The following PSD3 variants were observed in gnomAD, a reference collection of about 807,000 sequenced individuals.
PSD3 encodes the protein pleckstrin and Sec7 domain containing 3, also known as PH and SEC7 domain-containing protein 3.
Under a neutral mutation model 105.5 loss-of-function variants are expected in PSD3, and 49 were observed. The observed-to-expected ratio is 0.46, with a 90% CI of 0.37 to 0.59. The LOEUF (loss-of-function observed/expected upper bound fraction) is 0.59. Among genes scored for constraint, PSD3 ranks in the 20% least tolerant of loss-of-function variants. The pLI is 0.00. For synonymous variants in PSD3, 557 were observed against 457.8 expected (o/e 1.22, Z -2.77); for missense variants, 1,561 against 1,263.8 (o/e 1.24, Z -3.57).
chr8:18,893,620 G>T (rs899230511), intron 2 of PSD3, among the ~76,000 whole-genome samples: 2 of 151,896 alleles, frequency 1.3e-5, no homozygotes, highest in African/African-American at 4.8e-5. Flanking sequence ...TGGGCTAGAG[G>T]GCAGGGAAGC....
intron 1 of PSD3, among the ~76,000 whole-genome samples, chr8:19,077,036 T>C (rs561173950): frequency 6.6e-6 from 1 of 152,314 alleles, no homozygotes; most frequent in South Asian, 2.1e-4. Flanking sequence ...CACCATTGTT[T>C]TTATTTATTA....
intron 9 of PSD3, among the ~76,000 whole-genome samples, chr8:18,700,326 T>C (rs1481018959): frequency 6.6e-6 from 1 of 152,198 alleles, no homozygotes; most frequent in African/African-American, 2.4e-5. Context: ...AAAATAAGAA[T>C]ATTTTACAGA....
chr8:18,619,046 CAA>C (rs1805914329), intron 11 of PSD3, among the ~76,000 whole-genome samples: 3 of 152,142 alleles, frequency 2.0e-5, no homozygotes, highest in East Asian at 3.9e-4. Context: ...TGCTTGAGCT[CAA>C]AGTGTTTTTT....
chr8:18,650,053 G>A (rs1808362628), intron 10 of PSD3, among the ~76,000 whole-genome samples: 2 of 152,128 alleles, frequency 1.3e-5, no homozygotes, highest in African/African-American at 2.4e-5. Context: ...ACTAAAACAG[G>A]GAGATTTCTT....
At chr8:19,014,736 C>G (rs527258507), upstream of PSD3, among the ~76,000 whole-genome samples, 60 of 152,328 alleles carry the variant, frequency 3.9e-4, no homozygotes, top group African/African-American at 1.4e-3. The surrounding 1 kb of genome is among the most constrained non-coding windows in gnomAD (Gnocchi z 4.9). Context: ...GGAGTGGAGT[C>G]AGGTTCCCTG....
In PSD3 at chr8:18,556,290, G is replaced by A. The variant is rs778595031; in HGVS notation, c.2847C>T (p.His949=). ...CCTTCTTGTCGGGGGGATATGAGCG[G>A]TGCTCGGCCAGCTCGGTGGTGATCT... ...LKQITTELAE[H]RSYPPDKKVK... Residue 949 remains histidine, a synonymous_variant, in exon 15 of 16, where the codon CAC becomes CAT. Coordinates refer to ENST00000327040, the MANE Select transcript of PSD3 (RefSeq NM_015310.4). The A allele has an allele frequency of 3.1e-6, 5 of 1,613,940 alleles. No homozygotes were observed. The highest frequency in any genetic ancestry group is 4.2e-6 in the Non-Finnish European group (5 of 1,179,954).
intron 1 of PSD3, among the ~76,000 whole-genome samples, chr8:18,954,852 C>T (rs1218322376): frequency 6.6e-6 from 1 of 152,130 alleles, no homozygotes; most frequent in Admixed American, 6.5e-5. Flanking sequence ...CTGCTCTAAT[C>T]CAAGGGAATT....
chr8:18,837,206 A>C (rs1167923112), intron 4 of PSD3, among the ~76,000 whole-genome samples: 1 of 152,196 alleles, frequency 6.6e-6, no homozygotes, highest in Admixed American at 6.5e-5. Context: ...TCCAGACAGT[A>C]TAAGATAGAC....
At chr8:18,553,670 GCAA>G (rs904294526) in intron 15 of PSD3, among the ~76,000 whole-genome samples, 2 of 152,144 alleles carry the variant, frequency 1.3e-5, no homozygotes, top group African/African-American at 4.8e-5. Context: ...TCCGGTGGCT[GCAA>G]CAATAGCAAA....
At chr8:18,736,808 G>C (rs1459224405) in intron 9 of PSD3, among the ~76,000 whole-genome samples, 3 of 152,170 alleles carry the variant, frequency 2.0e-5, no homozygotes, top group Non-Finnish European at 4.4e-5. Flanking sequence ...TCAGTAATTA[G>C]ACTTATTATT....
intron 12 of PSD3, among the ~76,000 whole-genome samples, chr8:18,593,418 A>T (rs1345291072): frequency 1.3e-5 from 2 of 152,354 alleles, no homozygotes; most frequent in East Asian, 3.9e-4. Flanking sequence ...TCAAAACCAC[A>T]ATGAGATATC....
chr8:18,770,132 AGACACT>A (rs1337901761), intron 8 of PSD3, among the ~76,000 whole-genome samples: 1 of 152,204 alleles, frequency 6.6e-6, no homozygotes, highest in Non-Finnish European at 1.5e-5. Context: ...CCAACCTCAC[AGACACT>A]AACATCTGTC....
intron 15 of PSD3, among the ~76,000 whole-genome samples, chr8:18,544,171 CAAA>C (rs201016537): frequency 0.03 from 3,203 of 105,838 alleles, 111 homozygotes; most frequent in African/African-American, 0.11. Context: ...AGAAACAAAC[CAAA>C]AAAAAAAAAA....
chr8:18,830,148 G>C (rs1329701239), intron 4 of PSD3, among the ~76,000 whole-genome samples: 2 of 151,966 alleles, frequency 1.3e-5, no homozygotes, highest in Admixed American at 6.6e-5. Context: ...TACCATGTTG[G>C]TCAGGCTGGT....
intron 15 of PSD3, among the ~76,000 whole-genome samples, chr8:18,537,560 T>C (rs1041225593): frequency 1.3e-5 from 2 of 152,172 alleles, no homozygotes; most frequent in Admixed American, 6.5e-5. Context: ...AGTTGGGCCA[T>C]GTGATATTGT....
rs1201664866 is a variant in PSD3 at position 18,594,214 on chromosome 8, T to A, written c.2481+6150A>T. Among the ~76,000 whole-genome samples, 4 of 5,450 alleles carry A rather than the reference T, an allele frequency of 7.3e-4. 1 individual carries two copies. Among genetic ancestry groups the A allele is most frequent in the African/African-American group, 1.3e-3 (4 of 2,968 alleles). The allele number at this position is 5,450 out of a possible 152,430, so 3.6% of individuals were successfully genotyped here. On this transcript the variant is annotated intron_variant, in intron 12 of 15. Transcript: ENST00000327040. ...TATATACATATTATATAATATATATTATTATATATATTATATAATATATAT... is the reference window on the plus strand; with the variant it reads ...TATATACATATTATATAATATATATAATTATATATATTATATAATATATAT...
chr8:18,798,913 T>C (rs1586037439), intron 8 of PSD3, among the ~76,000 whole-genome samples: 1 of 152,202 alleles, frequency 6.6e-6, no homozygotes, highest in Admixed American at 6.5e-5. Flanking sequence ...CAACTCACTA[T>C]GGTATGTAGG....
intron 1 of PSD3, among the ~76,000 whole-genome samples, chr8:19,075,949 T>C (rs1256490237): frequency 6.6e-6 from 1 of 152,234 alleles, no homozygotes; most frequent in Non-Finnish European, 1.5e-5. Flanking sequence ...TTTGAATATA[T>C]AGCTTCTAAT....
intron 8 of PSD3, among the ~76,000 whole-genome samples, chr8:18,798,711 A>T (rs111916415): frequency 0.37 from 55,681 of 151,908 alleles, 12,741 homozygotes; most frequent in Middle Eastern, 0.53. Flanking sequence ...TTTATTTTAA[A>T]GAGTATTATG....
Sources: gnomAD v4.1 joint callset for allele counts (sites outside exome capture counted in the v4.1 genomes callset) on GRCh38, gnomAD v4.1.1 for gene constraint, Gnocchi (gnomAD v3.1) non-coding constraint, MANE v1.5 for transcripts, NCBI Gene and HGNC (gene_info 2026-07-23, HGNC 2026-07-21) for gene names.